The following DNAI4 variants were observed in gnomAD, a reference collection of about 807,000 sequenced individuals.
DNAI4 encodes WD repeat domain 78.
In DNAI4, 85 loss-of-function variants were observed where a neutral mutation model predicts 105.8. The observed-to-expected ratio is 0.80, with a 90% CI of 0.67 to 0.96. The LOEUF is 0.96. Ranked by LOEUF, DNAI4 falls within the 40% of genes least tolerant of loss-of-function variation. DNAI4 has a pLI of 0.00. For missense variants in DNAI4, 1,014 were observed against 1,005.6 expected (o/e 1.01, Z -0.11); for synonymous variants, 352 against 331.5 (o/e 1.06, Z -0.67).
rs116455780 is a variant in DNAI4, at chr1:66,859,092, C to T, written c.1096+3055G>A. The stretch of plus-strand genomic sequence containing the variant: ...CTAGGAGAAAGTACATACATATATC[C>T]GATAAAGAACTAAATTGTACATAGG... On this transcript the variant is annotated intron_variant, in intron 7 of 16. Coordinates refer to ENST00000371026, the MANE Select transcript of DNAI4 (RefSeq NM_024763.5). Among the ~76,000 whole-genome samples the T allele has an allele frequency of 8.7e-3, 1,313 of 151,708 alleles. 21 individuals are homozygous for T. Among genetic ancestry groups the T allele is most frequent in the African/African-American group, 0.03 (1,235 of 41,332 alleles).
chr1:66,833,587 T>C lies in DNAI4; in HGVS notation c.2011A>G (p.Lys671Glu), dbSNP rs777472187. Residue 671 changes from lysine (K) to glutamate (E), a missense_variant and splice_region_variant, in exon 13 of 17, where the codon AAG becomes GAG. Coordinates refer to ENST00000371026, the MANE Select transcript of DNAI4 (RefSeq NM_024763.5). Reference protein sequence around the residue: ...APGMCFAFHPKDTNIYLAGTE... With the variant: ...APGMCFAFHPEDTNIYLAGTE... ...TAAATAAGAGTGAAATAATTTACCT[T>C]GGGATGAAAAGCAAAACACATTCCA... The C allele has an allele frequency of 1.9e-6, 3 of 1,612,368 alleles. No individual in the cohort carries two copies. Among genetic ancestry groups the C allele is most frequent in the South Asian group, 1.1e-5 (1 of 90,934 alleles).
chr1:66,863,391 G>A (rs951359250), intron 6 of DNAI4, among the ~76,000 whole-genome samples: 3 of 152,038 alleles, frequency 2.0e-5, no homozygotes, highest in Admixed American at 2.0e-4. Context: ...ACAAAATGGA[G>A]GAGCTCTAGT....
chr1:66,852,783 G>A (rs1646423567), intron 7 of DNAI4, among the ~76,000 whole-genome samples: 1 of 152,132 alleles, frequency 6.6e-6, no homozygotes, highest in African/African-American at 2.4e-5. Flanking sequence ...TGGTGATTAG[G>A]AGGTAGGACC....
rs749176391 is a variant in DNAI4, at chr1:66,827,879, T to C, written c.2045A>G (p.Glu682Gly). The change falls in exon 14 of 17, where the codon GAA (glutamate) becomes GGA (glycine). Residue 682 changes from glutamate to glycine, a missense_variant. Glu to Gly is a moderately conservative substitution (Grantham distance 98). Transcript: ENST00000371026. ...DTNIYLAGTE[E>G]GHIHKCSCSY... is the part of the protein sequence containing the mutation. ...ACAAGAACATTTGTGAATATGACCT[T>C]CTTCAGTGCCAGCCAAATAGATATT... 27 of 1,607,512 alleles carry C rather than the reference T, an allele frequency of 1.7e-5. No individual in the cohort carries two copies. Among genetic ancestry groups the C allele is most frequent in the Non-Finnish European group, 2.1e-5 (25 of 1,176,948 alleles).
intron 8 of DNAI4, among the ~76,000 whole-genome samples, chr1:66,846,102 A>G (rs2100518170): frequency 6.6e-6 from 1 of 152,288 alleles, no homozygotes; most frequent in Admixed American, 6.5e-5. Flanking sequence ...GCCAACAGTA[A>G]CATTTACATT....
intron 16 of DNAI4, among the ~76,000 whole-genome samples, chr1:66,818,274 C>T (rs1262469512): frequency 1.3e-5 from 2 of 151,776 alleles, no homozygotes; most frequent in Admixed American, 1.3e-4. Context: ...ATATAGTATT[C>T]ATCACATTTA....
At chr1:66,909,321 C>CACACACACACACAG (rs1369293417) in intron 1 of DNAI4, among the ~76,000 whole-genome samples, 31 of 151,474 alleles carry the variant, frequency 2.0e-4, no homozygotes, top group African/African-American at 7.3e-4. Context: ...CACACACACA[C>CACACACACACACAG]AGTCTCTCTT....
intron 8 of DNAI4, among the ~76,000 whole-genome samples, chr1:66,843,199 C>A (rs1391582466): frequency 5.7e-5 from 5 of 87,288 alleles, no homozygotes; most frequent in Non-Finnish European, 8.5e-5. Context: ...GACTCTGTCT[C>A]AAAAAAAAAA....
intron 2 of DNAI4, among the ~76,000 whole-genome samples, chr1:66,894,870 T>C (rs1470548199): frequency 6.6e-6 from 1 of 152,222 alleles, no homozygotes. Context: ...GCAAGTGTCT[T>C]GGCTATTTTT....
chr1:66,885,239 A>C (rs1647168088), intron 4 of DNAI4, among the ~76,000 whole-genome samples: 1 of 152,186 alleles, frequency 6.6e-6, no homozygotes, highest in South Asian at 2.1e-4. Flanking sequence ...TTGTTGAAGT[A>C]TGTTTTATGG....
At chr1:66,895,058 G>A (rs1648195985) in intron 2 of DNAI4, among the ~76,000 whole-genome samples, 2 of 151,936 alleles carry the variant, frequency 1.3e-5, no homozygotes, top group South Asian at 2.1e-4. Flanking sequence ...TTTTGTTTTG[G>A]TCCTCTTTAA....
chr1:66,879,537 G>T (rs1305996227), intron 4 of DNAI4, among the ~76,000 whole-genome samples: 1 of 152,052 alleles, frequency 6.6e-6, no homozygotes, highest in Admixed American at 6.6e-5. Flanking sequence ...AGTTCATTTG[G>T]GTAAATACCA....
At chr1:66,907,413 C>G (rs956754086) in intron 1 of DNAI4, among the ~76,000 whole-genome samples, 5 of 152,150 alleles carry the variant, frequency 3.3e-5, no homozygotes, top group Non-Finnish European at 5.9e-5. Context: ...ACCTTCAACT[C>G]TCTCATTCTC....
chr1:66,873,969 A>C (rs1646908683), intron 5 of DNAI4, among the ~76,000 whole-genome samples: 1 of 146,046 alleles, frequency 6.8e-6, no homozygotes, highest in African/African-American at 2.5e-5. Flanking sequence ...AAACCATATT[A>C]TAATATTTTA....
At chr1:66,891,352 G>A in intron 3 of DNAI4, 86 bp from the exon 4 acceptor site, 1 of 890,620 alleles carries the variant, frequency 1.1e-6, no homozygotes, top group Non-Finnish European at 1.8e-6. Flanking sequence ...ATTATCAGAT[G>A]GAGAAATCAA....
At chr1:66,873,679 G>A (rs994993172) in intron 5 of DNAI4, among the ~76,000 whole-genome samples, 1 of 152,168 alleles carries the variant, frequency 6.6e-6, no homozygotes, top group Admixed American at 6.5e-5. Flanking sequence ...CCTTTTGAGA[G>A]TCTTGGCTTA....
At chr1:66,887,476 G>A (rs1647252754) in intron 4 of DNAI4, among the ~76,000 whole-genome samples, 1 of 152,120 alleles carries the variant, frequency 6.6e-6, no homozygotes, top group South Asian at 2.1e-4. Flanking sequence ...AGGTCTGGGA[G>A]GGGGGAAGTT....
Position 66,879,367 on chromosome 1 carries a change from A to AT in DNAI4, c.644-4431dup, listed in dbSNP as rs928339070. On this transcript the variant is annotated intron_variant, in intron 4 of 16. Transcript: ENST00000371026. ...ATCTTGTTGCATGGATTCATAGCTC[A>AT]TTTTTTTATTGCTGAATAATATTCC... 2.0e-5 allele frequency among the ~76,000 whole-genome samples: 3 copies of AT among 152,168 alleles called. No individual in the cohort carries two copies. The East Asian group carries it at 5.8e-4, about 29-fold the overall frequency.
chr1:66,899,625 T>G (rs1648639140), intron 2 of DNAI4, among the ~76,000 whole-genome samples: 1 of 152,234 alleles, frequency 6.6e-6, no homozygotes, highest in African/African-American at 2.4e-5. Context: ...ATGCTTTCAG[T>G]GTCACATGTA....
Sources: gnomAD v4.1 joint callset for allele counts (sites outside exome capture counted in the v4.1 genomes callset) on GRCh38, gnomAD v4.1.1 for gene constraint, MANE v1.5 for transcripts, NCBI Gene and HGNC (gene_info 2026-07-23, HGNC 2026-07-21) for gene names.